DGCR6L: variants seen among roughly 807,000 people sequenced by gnomAD.
DGCR6L encodes the protein protein DGCR6L.
Under a neutral mutation model 31.1 loss-of-function variants are expected in DGCR6L, and 24 were observed. The observed-to-expected ratio is 0.77, with a 90% confidence interval of 0.56 to 1.08. The LOEUF (loss-of-function observed/expected upper bound fraction) is 1.08, where lower values mean the gene tolerates loss of function less well. Among genes scored for constraint, DGCR6L ranks in the 50% least tolerant of loss-of-function variants. The pLI is 0.00. For synonymous variants in DGCR6L, 104 were observed against 126.1 expected, an observed-to-expected ratio of 0.82 and a Z score of 1.17; for missense variants, 218 against 287.1, an observed-to-expected ratio of 0.76 and a Z score of 1.74.
At position 20,315,458 on chromosome 22, in the gene DGCR6L, G is replaced by A. The variant is rs375434608; in HGVS notation, c.391C>T (p.Arg131Cys). 4.9e-5 allele frequency: 79 copies of A among 1,613,530 alleles called. No individual in the cohort carries two copies. Among genetic ancestry groups the A allele is most frequent in the Non-Finnish European group, 6.3e-5 (74 of 1,179,974 alleles). Residue 131 changes from arginine (R) to cysteine (C), a missense_variant, in exon 4 of 5, where the codon CGT becomes TGT. Around this residue, in one of 4 missense-constraint regions of DGCR6L, gnomAD observed 78 missense variants for 90.0 expected, o/e 0.87. Coordinates refer to ENST00000248879, the MANE Select transcript of DGCR6L (RefSeq NM_033257.4). ...TGGTCCATCGCCCGCTGCTCCTCACGGATCCGGTGTTCCACGGCCTGCCAT... is the reference window on the plus strand; with the variant it reads ...TGGTCCATCGCCCGCTGCTCCTCACAGATCCGGTGTTCCACGGCCTGCCAT... ...RELEAVEHRIREEQRAMDQKI... is the reference protein window; with the variant it reads ...RELEAVEHRICEEQRAMDQKI...
At position 20,319,843 on chromosome 22, in the gene DGCR6L, C is replaced by CGCCTCCGCAG. The variant is rs752934534; in HGVS notation, c.110+26_110+35dup. ...GGTGAGCCCCGGCGGGAAACGAAGC[C>CGCCTCCGCAG]GCCTCCGCAGGCCTCCGCCCGCCCC... On this transcript the variant is annotated intron_variant, in intron 1 of 4. Coordinates refer to ENST00000248879, the MANE Select transcript of DGCR6L (RefSeq NM_033257.4). The CGCCTCCGCAG allele has an allele frequency of 5.0e-6, 8 of 1,594,924 alleles. No individual in the cohort carries two copies. In the South Asian group the frequency reaches 9.0e-5, roughly 18 times the overall value.
chr22:20,316,053 A>C, intron 3 of DGCR6L, 66 bp downstream of exon 3: 1 of 1,506,846 alleles, frequency 6.6e-7, no homozygotes, highest in Non-Finnish European at 8.9e-7. Flanking sequence ...AGCTCAGCCC[A>C]GTCAGCAGAG....
chr22:20,319,719 A>G lies in DGCR6L; in HGVS notation c.191T>C (p.Val64Ala), dbSNP rs769734519. 1.1e-5 allele frequency: 17 copies of G among 1,612,940 alleles called. No individual in the cohort carries two copies. Among genetic ancestry groups the G allele is most frequent in the African/African-American group, 2.7e-5 (2 of 74,920 alleles). The change falls in exon 2 of 5, where the codon GTG becomes GCG. Residue 64 changes from valine to alanine, a missense_variant. Physicochemically the swap from Val to Ala is moderately conservative, Grantham distance 64. Coordinates refer to ENST00000248879, the MANE Select transcript of DGCR6L (RefSeq NM_033257.4). ...ALLDGTVFEI[V>A]QGLLEIQHLT... ...GTGCTGGATCTCCAGTAGCCCCTGC[A>G]CGATTTCGAACACGGTGCCGTCGAG...
rs1200102756 is a variant in DGCR6L at position 20,319,863 on chromosome 22, CGCCCCGCCT to C, written c.110+7_110+15del. ...GAAGCCGCCTCCGCAGGCCTCCGCC[CGCCCCGCCT>C]GCGTACCTGGGCAACTCCTTCACCA... On this transcript the variant is annotated splice_region_variant and intron_variant, in intron 1 of 4. Transcript: ENST00000248879. The C allele has an allele frequency of 1.9e-6, 3 of 1,603,958 alleles. No homozygotes were observed. The highest frequency in any genetic ancestry group is 2.6e-6 in the Non-Finnish European group (3 of 1,176,032).
chr22:20,316,283 C>T, intron 2 of DGCR6L, 64 bp from the exon 3 acceptor site: 2 of 1,547,300 alleles, frequency 1.3e-6, no homozygotes, highest in African/African-American at 1.4e-5. Context: ...CCCATGGGCA[C>T]CTGCCTTGCC....
rs1229444709 is a variant in DGCR6L, at chr22:20,316,030, C to T, written c.372+89G>A. The T allele has an allele frequency of 2.8e-6, 4 of 1,444,266 alleles. No individual in the cohort carries two copies. In the Admixed American group the frequency reaches 6.5e-5, roughly 24 times the overall value. 89.5% of individuals were successfully genotyped at this position (1,444,266 alleles called of 1,614,324 possible). A position where few individuals can be genotyped will look rare whatever the true frequency, so the allele number is the denominator to read the frequency against. On this transcript the variant is annotated intron_variant, in intron 3 of 4. Transcript: ENST00000248879. ...CAGGACAGCCACCCATGCCTGAGCC[C>T]CCACACCCCTTCAGCTCAGCCCAGT...
At position 20,319,943 on chromosome 22, in the gene DGCR6L, G is replaced by A. The variant is rs1314323781; in HGVS notation, c.46C>T (p.Arg16Trp). ...AALEEVADGA[R>W]QQERHYQLLS... ...AACTGGTAGTGTCGCTCCTGCTGCC[G>A]GGCACCGTCCGCCACCTCCTCCAAG... is the stretch of plus-strand genomic sequence containing the variant. Residue 16 changes from arginine (R) to tryptophan (W), a missense_variant, in exon 1 of 5, where the codon CGG becomes TGG. Transcript: ENST00000248879. The A allele has an allele frequency of 1.2e-6, 2 of 1,608,696 alleles. No homozygotes were observed. Among genetic ancestry groups the A allele is most frequent in the Non-Finnish European group, 1.7e-6 (2 of 1,178,550 alleles).
In DGCR6L at chr22:20,316,184, C is replaced by G; in HGVS notation, c.307G>C (p.Ala103Pro). Residue 103 changes from alanine (A) to proline (P), a missense_variant, in exon 3 of 5, where the codon GCC becomes CCC. Ala to Pro is a conservative substitution (Grantham distance 27). Coordinates refer to ENST00000248879, the MANE Select transcript of DGCR6L (RefSeq NM_033257.4). ...RQALRQKHQEAQQACRPHNLP... is the reference protein window; with the variant it reads ...RQALRQKHQEPQQACRPHNLP... ...TTGTGGGGCCGGCAGGCCTGCTGGG[C>G]TTCCTGGTGCTTCTGCCGCAGCGCC... The G allele has an allele frequency of 6.2e-7, 1 of 1,608,952 alleles. No homozygotes were observed. The highest frequency in any genetic ancestry group is 8.5e-7 in the Non-Finnish European group (1 of 1,178,996).
rs756975287 is a variant in DGCR6L, at chr22:20,320,002, G to C, written c.-14C>G. ...GTAGCGCTCCATGGCGCGGACGCCCGCTAGCCGCCGGCGGCGGCGACGAGC... is the reference window on the plus strand; with the variant it reads ...GTAGCGCTCCATGGCGCGGACGCCCCCTAGCCGCCGGCGGCGGCGACGAGC... On this transcript the variant is annotated 5_prime_UTR_variant, in exon 1 of 5. Coordinates refer to ENST00000248879, the MANE Select transcript of DGCR6L (RefSeq NM_033257.4). 4.5e-6 allele frequency: 7 copies of C among 1,540,236 alleles called. No individual in the cohort carries two copies. Among genetic ancestry groups the C allele is most frequent in the Non-Finnish European group, 6.1e-6 (7 of 1,149,452 alleles).
At chr22:20,316,322 G>C in intron 2 of DGCR6L, 103 bp from the exon 3 acceptor site, 2 of 1,437,720 alleles carry the variant, frequency 1.4e-6, no homozygotes, top group Non-Finnish European at 1.9e-6. Context: ...GGCCAAAGGG[G>C]TGTCTGCAGT....
chr22:20,316,331 G>C (rs5993964), intron 2 of DGCR6L, 112 bp from the exon 3 acceptor site: 65 of 1,403,226 alleles, frequency 4.6e-5, no homozygotes, highest in African/African-American at 1.1e-4. Context: ...GGTGTCTGCA[G>C]TGGGGAGGAT....
chr22:20,319,507 CG>C, intron 2 of DGCR6L, 131 bp downstream of exon 2: 1 of 1,432,608 alleles, frequency 7.0e-7, no homozygotes, highest in Non-Finnish European at 9.2e-7. Context: ...TCTCTGCGCC[CG>C]TTGATTTTGT....
intron 2 of DGCR6L, 143 bp downstream of exon 2, chr22:20,319,496 G>A: frequency 1.4e-6 from 2 of 1,409,836 alleles, no homozygotes; most frequent in Non-Finnish European, 1.9e-6. Flanking sequence ...CGCTGTCTCA[G>A]TCTCTGCGCC....
chr22:20,319,864 G>A lies in DGCR6L; in HGVS notation c.110+15C>T. 6.2e-7 allele frequency: 1 copy of A among 1,604,248 alleles called. No individual in the cohort carries two copies. Among genetic ancestry groups the A allele is most frequent in the Non-Finnish European group, 8.5e-7 (1 of 1,176,080 alleles). ...AAGCCGCCTCCGCAGGCCTCCGCCC[G>A]CCCCGCCTGCGTACCTGGGCAACTC... On this transcript the variant is annotated intron_variant, in intron 1 of 4. Coordinates refer to ENST00000248879, the MANE Select transcript of DGCR6L (RefSeq NM_033257.4).
Position 20,316,002 on chromosome 22 carries a change from G to A in DGCR6L, c.372+117C>T, listed in dbSNP as rs963715537. ...ACTAGGCCTCCAGTGTCCCACTCAGGCCCAGGACAGCCACCCATGCCTGAG... is the reference window on the plus strand; with the variant it reads ...ACTAGGCCTCCAGTGTCCCACTCAGACCCAGGACAGCCACCCATGCCTGAG... On this transcript the variant is annotated intron_variant, in intron 3 of 4. Transcript: ENST00000248879. The A allele has an allele frequency of 1.5e-5, 19 of 1,269,646 alleles. No individual in the cohort carries two copies. The African/African-American group carries it at 2.2e-4, about 15-fold the overall frequency. 78.6% of individuals were successfully genotyped at this position (1,269,646 alleles called of 1,614,324 possible). A position where few individuals can be genotyped will look rare whatever the true frequency, so the allele number is the denominator to read the frequency against.
At position 20,319,620 on chromosome 22, in the gene DGCR6L, T is replaced by C. The variant is rs933565877; in HGVS notation, c.271+19A>G. 1 of 1,609,710 alleles carries C rather than the reference T, an allele frequency of 6.2e-7. No homozygotes were observed. Among genetic ancestry groups the C allele is most frequent in the African/African-American group, 1.3e-5 (1 of 74,940 alleles). On this transcript the variant is annotated intron_variant, in intron 2 of 4. Coordinates refer to ENST00000248879, the MANE Select transcript of DGCR6L (RefSeq NM_033257.4). Reference sequence around the variant, plus strand: ...CCGACCCGGAGGAGGCGGCACCTCATCCCGCTGCCCCCGCGCACCTCGGTG... The same window carrying C: ...CCGACCCGGAGGAGGCGGCACCTCACCCCGCTGCCCCCGCGCACCTCGGTG...
At chr22:20,314,899 CAGTG>C (rs1448160526) in intron 4 of DGCR6L, 75 bp from the exon 5 acceptor site, 4 of 1,602,330 alleles carry the variant, frequency 2.5e-6, no homozygotes, top group Non-Finnish European at 3.4e-6. Flanking sequence ...GGGTGCCAGG[CAGTG>C]AGCCCACGGG....
Position 20,314,728 on chromosome 22 carries a change from AG to A in DGCR6L, c.609del (p.Trp204GlyfsTer31). 6.2e-7 allele frequency: 1 copy of A among 1,611,704 alleles called. No homozygotes were observed. Among genetic ancestry groups the A allele is most frequent in the Non-Finnish European group, 8.5e-7 (1 of 1,179,452 alleles). ...TCACACTGGGCAGCAGGCGACTGCC[AG>A]GGACCTCCCAGTCCCAGGGCTGCAT... ...AGNAALGLGG[P>X]WQSPAAQCDQ... On this transcript the variant is annotated frameshift_variant, in exon 5 of 5. Transcript: ENST00000248879. LOFTEE classifies it high-confidence loss of function.
At chr22:20,319,347 A>G (rs551885528) in intron 2 of DGCR6L, among the ~76,000 whole-genome samples, 15 of 152,244 alleles carry the variant, frequency 9.9e-5, no homozygotes, top group Non-Finnish European at 1.9e-4. Context: ...CTGCAGGCCA[A>G]TCAGGCACCG....
Sources: gnomAD v4.1 joint callset for allele counts (sites outside exome capture counted in the v4.1 genomes callset) on GRCh38, gnomAD v4.1.1 for gene constraint, gnomAD v4.1.1 regional missense constraint, MANE v1.5 for transcripts, NCBI Gene and HGNC (gene_info 2026-07-23, HGNC 2026-07-21) for gene names.